MYPN: variants seen among roughly 807,000 people sequenced by gnomAD.
MYPN encodes myopalladin, also known as sarcomeric protein myopalladin, 145 kDa (MYOP).
A neutral mutation model predicts 129.4 loss-of-function variants in MYPN; 63 were observed. The observed-to-expected ratio is 0.49, with a 90% CI of 0.40 to 0.60. The LOEUF (loss-of-function observed/expected upper bound fraction) is 0.60, where lower values mean the gene tolerates loss of function less well. MYPN is among the 20% of genes least tolerant of loss of function. The pLI is 0.00. For missense variants in MYPN, 1,596 were observed against 1,635.4 expected (o/e 0.98, Z 0.42); for synonymous variants, 629 against 600.9 (o/e 1.05, Z -0.68).
rs779556608 is a variant in MYPN at position 68,143,159 on chromosome 10, A to T, written c.1078+44A>T. On this transcript the variant is annotated intron_variant, in intron 3 of 19. Coordinates refer to ENST00000358913, the MANE Select transcript of MYPN (RefSeq NM_032578.4). ...GGAGTATGACACTTAATAGTAAGAC[A>T]TTTAGTTATAATAAATAAATATTTA... The T allele has an allele frequency of 7.7e-6, 12 of 1,566,012 alleles. No individual in the cohort carries two copies. In the African/African-American group the frequency reaches 1.1e-4, roughly 14 times the overall value.
chr10:68,141,970 C>T (rs77525086), intron 2 of MYPN, among the ~76,000 whole-genome samples: 2,633 of 152,248 alleles, frequency 0.017, 85 homozygotes, highest in African/African-American at 0.06. Flanking sequence ...CATCAGTCCC[C>T]TGAGGATGAA....
chr10:68,189,911 A>G (rs923925032), intron 13 of MYPN, among the ~76,000 whole-genome samples: 1 of 152,116 alleles, frequency 6.6e-6, no homozygotes, highest in Non-Finnish European at 1.5e-5. Context: ...ATCATATGGT[A>G]GTTCTATTTT....
intron 1 of MYPN, among the ~76,000 whole-genome samples, chr10:68,119,385 TTTTA>T (rs141638905): frequency 0.096 from 13,928 of 144,568 alleles, 716 homozygotes; most frequent in Middle Eastern, 0.17. Context: ...TTGCATTTTA[TTTTA>T]TTTATTTATT....
At chr10:68,152,368 G>A (rs1467842936) in intron 6 of MYPN, among the ~76,000 whole-genome samples, 1 of 152,134 alleles carries the variant, frequency 6.6e-6, no homozygotes, top group Non-Finnish European at 1.5e-5. Flanking sequence ...CTTGCTGAGA[G>A]GAGGGGTCCA....
chr10:68,173,919 C>T lies in MYPN; in HGVS notation c.1974-147C>T, dbSNP rs185651907. 978 of 723,534 alleles carry T rather than the reference C, an allele frequency of 1.4e-3. 8 individuals are homozygous for T. Among genetic ancestry groups the T allele is most frequent in the African/African-American group, 6.0e-3 (348 of 57,548 alleles). The allele number at this position is 723,534 out of a possible 1,614,324, so 44.8% of individuals were successfully genotyped here. A position where few individuals can be genotyped will look rare whatever the true frequency, so the allele number is the denominator to read the frequency against. On this transcript the variant is annotated intron_variant, in intron 10 of 19. Transcript: ENST00000358913. ...TGGACTCAAGTGATCCACCTGTCTC[C>T]GCCTCCCAAAGTGCTGGGATTACAG...
chr10:68,196,674 G>A (rs796261631), intron 15 of MYPN, among the ~76,000 whole-genome samples: 1 of 151,528 alleles, frequency 6.6e-6, no homozygotes, highest in African/African-American at 2.4e-5. Context: ...TTGTAAAGAC[G>A]GGGTTTCACC....
At chr10:68,107,608 C>T (rs1416016272), upstream of MYPN, among the ~76,000 whole-genome samples, 1 of 151,992 alleles carries the variant, frequency 6.6e-6, no homozygotes, top group African/African-American at 2.4e-5. Flanking sequence ...GCCTCAACCT[C>T]CCAAAGTGCT....
chr10:68,158,621 C>T lies in MYPN; in HGVS notation c.1453C>T (p.Gln485Ter). Residue 485 changes from glutamine (Q) to a stop codon, truncating the protein, a stop_gained, in exon 7 of 20, where the codon CAG becomes TAG. Transcript: ENST00000358913. LOFTEE classifies it high-confidence loss of function. ...AGATTCTCCAGATTTTAGGATTTTA[C>T]AGAAAAGTAAGTTAATACTTTAAAT... Reference protein sequence around the residue: ...IEDSPDFRILQKKPRSMAEPE... With the variant: ...IEDSPDFRIL The T allele has an allele frequency of 6.3e-7, 1 of 1,583,382 alleles. No homozygotes were observed. Among genetic ancestry groups the T allele is most frequent in the South Asian group, 1.1e-5 (1 of 90,096 alleles).
chr10:68,199,725 A>C (rs2043678812), intron 17 of MYPN, 150 bp downstream of exon 17: 1 of 790,432 alleles, frequency 1.3e-6, no homozygotes, highest in Non-Finnish European at 2.2e-6. Context: ...TATTTCCCAC[A>C]TCACTTTCAA....
intron 10 of MYPN, among the ~76,000 whole-genome samples, chr10:68,171,905 C>A (rs1418978349): frequency 6.6e-6 from 1 of 152,216 alleles, no homozygotes. Context: ...GCACACACTG[C>A]CAGAAATTGT....
In MYPN at chr10:68,184,220, A is replaced by G. The variant is rs1291700017; in HGVS notation, c.2704-4685A>G. ...TACAAAGCAAGCAAAGCCTTTGTAA[A>G]GGTTTTCAGGAATAACTGGAAACAG... On this transcript the variant is annotated intron_variant, in intron 12 of 19. Transcript: ENST00000358913. Among the ~76,000 whole-genome samples, 7 of 152,336 alleles carry G rather than the reference A, an allele frequency of 4.6e-5. 1 individual carries two copies. Among genetic ancestry groups the G allele is most frequent in the Non-Finnish European group, 1.0e-4 (7 of 68,032 alleles).
At position 68,201,852 on chromosome 10, in the gene MYPN, G is replaced by A; in HGVS notation, c.3517G>A (p.Val1173Met). 6.2e-7 allele frequency: 1 copy of A among 1,614,106 alleles called. No individual in the cohort carries two copies. Among genetic ancestry groups the A allele is most frequent in the Non-Finnish European group, 8.5e-7 (1 of 1,180,024 alleles). ...VVAKEVKKAP[V>M]ILEKLQNCGV... ...AGCCAAAGAGGTGAAGAAAGCACCT[G>A]TGATCCTGGAGAAACTACAGAACTG... Residue 1173 changes from valine (V) to methionine (M), a missense_variant, in exon 18 of 20, where the codon GTG becomes ATG. Physicochemically the swap from Val to Met is conservative, Grantham distance 21. Transcript: ENST00000358913.
intron 4 of MYPN, among the ~76,000 whole-genome samples, chr10:68,147,069 T>C (rs2042678852): frequency 6.6e-6 from 1 of 152,148 alleles, no homozygotes; most frequent in Non-Finnish European, 1.5e-5. Flanking sequence ...GAGAGAGCAG[T>C]TTTGGAGTAA....
chr10:68,191,002 C>T (rs2043501980), intron 13 of MYPN, among the ~76,000 whole-genome samples: 1 of 152,046 alleles, frequency 6.6e-6, no homozygotes, highest in Admixed American at 6.6e-5. Context: ...GCTATAAATA[C>T]ATGGATTTAT....
chr10:68,206,813 C>T lies in MYPN; in HGVS notation c.3703C>T (p.Pro1235Ser). 1.2e-6 allele frequency: 2 copies of T among 1,614,178 alleles called. No homozygotes were observed. Among genetic ancestry groups the T allele is most frequent in the Non-Finnish European group, 8.5e-7 (1 of 1,180,032 alleles). ...AGGGTATGCCTGCCTTCTCATTCAGCCAGCCAAGAAATCAGACGCTGGATG... is the reference window on the plus strand; with the variant it reads ...AGGGTATGCCTGCCTTCTCATTCAGTCAGCCAAGAAATCAGACGCTGGATG... ...TTGYACLLIQ[P>S]AKKSDAGWYT... The change falls in exon 19 of 20, where the codon CCA (proline) becomes TCA (serine). Residue 1235 changes from proline (P) to serine (S), a missense_variant. Physicochemically the swap from Pro to Ser is moderately conservative, Grantham distance 74. Transcript: ENST00000358913.
chr10:68,173,985 A>G, intron 10 of MYPN, 81 bp from the exon 11 acceptor site: 1 of 1,169,214 alleles, frequency 8.6e-7, no homozygotes, highest in South Asian at 1.2e-5. Context: ...AGTTATAAAC[A>G]GTCTGTCTGA....
chr10:68,137,905 C>A (rs913439401), intron 2 of MYPN, among the ~76,000 whole-genome samples: 10 of 152,050 alleles, frequency 6.6e-5, no homozygotes, highest in Non-Finnish European at 1.3e-4. Flanking sequence ...CTAGTTCAAC[C>A]CTTAATGTAA....
At chr10:68,149,904 A>G in intron 5 of MYPN, 136 bp from the exon 6 acceptor site, 1 of 772,036 alleles carries the variant, frequency 1.3e-6, no homozygotes, top group Non-Finnish European at 2.3e-6. Flanking sequence ...GAAGTCTGTG[A>G]TTCATAAACT....
intron 2 of MYPN, among the ~76,000 whole-genome samples, chr10:68,142,380 A>G (rs900319791): frequency 2.0e-5 from 3 of 152,244 alleles, no homozygotes. Flanking sequence ...AGAAAATATC[A>G]TAACCTACAG....
Sources: gnomAD v4.1 joint callset for allele counts (sites outside exome capture counted in the v4.1 genomes callset) on GRCh38, gnomAD v4.1.1 for gene constraint, MANE v1.5 for transcripts, NCBI Gene and HGNC (gene_info 2026-07-23, HGNC 2026-07-21) for gene names.